ESRRB: variants seen among roughly 807,000 people sequenced by gnomAD.
ESRRB encodes steroid hormone receptor ERR2.
Under a neutral mutation model 46.0 loss-of-function variants are expected in ESRRB, and 16 were observed. That is an observed-to-expected ratio of 0.35 (90% CI 0.24 to 0.53). The LOEUF (loss-of-function observed/expected upper bound fraction) is 0.53, where lower values mean the gene tolerates loss of function less well. ESRRB is among the 20% of genes least tolerant of loss of function. The pLI is 0.93. For synonymous variants in ESRRB, 246 were observed against 259.6 expected (o/e 0.95, Z 0.50); for missense variants, 488 against 607.4 (o/e 0.80, Z 2.07).
chr14:76,431,145 A>C (rs1394342394), intron 1 of ESRRB, among the ~76,000 whole-genome samples: 1 of 152,134 alleles, frequency 6.6e-6, no homozygotes, highest in African/African-American at 2.4e-5. Context: ...AAATACAAAA[A>C]TTAGCCAGGC....
chr14:76,466,036 T>C (rs1409985241), intron 3 of ESRRB, among the ~76,000 whole-genome samples: 1 of 152,186 alleles, frequency 6.6e-6, no homozygotes, highest in East Asian at 1.9e-4. Flanking sequence ...CCCTCCTGGC[T>C]CTGCAGGCAA....
rs561414791 is a variant in ESRRB, at chr14:76,402,534, C to T, written c.50+26083C>T. The stretch of plus-strand genomic sequence containing the variant: ...GGAACTATCCATTGGGAAACACCAC[C>T]CTGGAGATGTAACATTAGAAAGACA... On this transcript the variant is annotated intron_variant, in intron 1 of 6. Coordinates refer to ENST00000644823, the MANE Select transcript of ESRRB (RefSeq NM_001379180.1). 2.0e-5 allele frequency among the ~76,000 whole-genome samples: 3 copies of T among 152,228 alleles called. No individual in the cohort carries two copies. In the South Asian group the frequency reaches 6.2e-4, roughly 32 times the overall value.
rs771657920 is a variant in ESRRB at position 76,439,575 on chromosome 14, G to A, written c.285G>A (p.Lys95=). 3 of 1,614,160 alleles carry A rather than the reference G, an allele frequency of 1.9e-6. No individual in the cohort carries two copies. The South Asian group carries it at 3.3e-5, about 18-fold the overall frequency. The change falls in exon 2 of 7, where the codon AAG becomes AAA. Residue 95 remains lysine (K), a synonymous_variant. Coordinates refer to ENST00000644823, the MANE Select transcript of ESRRB (RefSeq NM_001379180.1). ...GAGLGGTPCR[K]SYEDCASGIM... ...GGCTGGGAGGCACCCCATGCCGCAA[G>A]AGCTACGAGGACTGTGCCAGCGGCA...
chr14:76,361,816 G>A (rs1884468178), intron 1 of ESRRB, among the ~76,000 whole-genome samples: 1 of 152,200 alleles, frequency 6.6e-6, no homozygotes, highest in Non-Finnish European at 1.5e-5. Flanking sequence ...TTATGTGGTT[G>A]GGGAACTCCA....
chr14:76,415,135 C>T (rs1350162516), intron 1 of ESRRB, among the ~76,000 whole-genome samples: 1 of 152,126 alleles, frequency 6.6e-6, no homozygotes, highest in Non-Finnish European at 1.5e-5. Flanking sequence ...GGGTTGGGGA[C>T]TGGCAAGACG....
At chr14:76,350,659 C>A (rs1342458641) in intron 1 of ESRRB, among the ~76,000 whole-genome samples, 1 of 152,212 alleles carries the variant, frequency 6.6e-6, no homozygotes, top group Non-Finnish European at 1.5e-5. Flanking sequence ...GCCTGAAGCC[C>A]TCTGATGAGC....
intron 5 of ESRRB, among the ~76,000 whole-genome samples, chr14:76,490,666 C>A (rs745517282): frequency 3.3e-5 from 5 of 151,932 alleles, no homozygotes; most frequent in Non-Finnish European, 7.4e-5. Context: ...AGTTCTGGAG[C>A]CTTCTCCATG....
intron 3 of ESRRB, among the ~76,000 whole-genome samples, chr14:76,480,999 C>T (rs1889783435): frequency 6.6e-6 from 1 of 152,190 alleles, no homozygotes; most frequent in Non-Finnish European, 1.5e-5. Context: ...GGTAAGGACT[C>T]CAAGAAGGAA....
chr14:76,493,041 T>G lies in ESRRB; in HGVS notation c.1120+1325T>G, dbSNP rs185813659. 7.7e-4 allele frequency among the ~76,000 whole-genome samples: 118 copies of G among 152,354 alleles called. 2 individuals carry two copies. The highest frequency in any genetic ancestry group is 3.2e-4 in the Non-Finnish European group (22 of 68,034). ...GTTAACTGCCCAGGTCTGGGTCAGA[T>G]AGACCCAAGTTCAAATTCTATCTCT... On this transcript the variant is annotated intron_variant, in intron 6 of 6. Transcript: ENST00000644823.
chr14:76,400,769 A>G (rs1351658989), intron 1 of ESRRB, among the ~76,000 whole-genome samples: 1 of 152,282 alleles, frequency 6.6e-6, no homozygotes, highest in South Asian at 2.1e-4. Context: ...ACAACTGTTT[A>G]TATCCGCCAT....
At chr14:76,356,856 C>A (rs1476316683) in intron 1 of ESRRB, among the ~76,000 whole-genome samples, 3 of 152,214 alleles carry the variant, frequency 2.0e-5, no homozygotes, top group Admixed American at 1.3e-4. Flanking sequence ...TTCTCTTGTC[C>A]AACTTTATGC....
upstream of ESRRB, among the ~76,000 whole-genome samples, chr14:76,366,413 A>G (rs1320075078): frequency 1.3e-5 from 2 of 152,236 alleles, no homozygotes; most frequent in East Asian, 3.8e-4. Flanking sequence ...CCGGCCTTCA[A>G]CAATGGGAGA....
intron 2 of ESRRB, 116 bp downstream of exon 2, chr14:76,439,866 G>A: frequency 1.7e-6 from 2 of 1,170,108 alleles, no homozygotes; most frequent in Middle Eastern, 2.8e-4. Flanking sequence ...CGCTGTTGGA[G>A]CGGTACTTCT....
intron 1 of ESRRB, among the ~76,000 whole-genome samples, chr14:76,393,440 G>T (rs146839910): frequency 1.3e-5 from 2 of 152,300 alleles, no homozygotes; most frequent in African/African-American, 4.8e-5. Flanking sequence ...GTTACATATG[G>T]TCAGGCAATG....
At chr14:76,419,346 G>A (rs781514713) in intron 1 of ESRRB, among the ~76,000 whole-genome samples, 3 of 152,240 alleles carry the variant, frequency 2.0e-5, no homozygotes, top group East Asian at 1.9e-4. Flanking sequence ...ATCGAGCTTC[G>A]AACTCAGGAA....
intron 1 of ESRRB, among the ~76,000 whole-genome samples, chr14:76,413,192 C>T (rs1045287998): frequency 5.3e-5 from 8 of 152,138 alleles, no homozygotes; most frequent in South Asian, 2.1e-4. Flanking sequence ...AAAGCTGCAC[C>T]GCAGTGCTGT....
intron 1 of ESRRB, among the ~76,000 whole-genome samples, chr14:76,418,273 A>G (rs1886796296): frequency 6.6e-6 from 1 of 152,088 alleles, no homozygotes. Flanking sequence ...CTTTTGAAAA[A>G]GCTTTTTAAT....
intron 1 of ESRRB, among the ~76,000 whole-genome samples, chr14:76,346,210 C>T (rs4561383): frequency 0.81 from 123,155 of 152,190 alleles, 50,286 homozygotes; most frequent in East Asian, 1. Flanking sequence ...CAACCCAGTA[C>T]ATGGTCAGGG....
chr14:76,333,003 TATTA>T (rs1292299838), intron 1 of ESRRB, among the ~76,000 whole-genome samples: 1 of 26,336 alleles, frequency 3.8e-5, no homozygotes, highest in Non-Finnish European at 6.2e-5. Context: ...ACATTATATA[TATTA>T]TATATTTATA....
Sources: allele counts gnomAD v4.1 joint callset (sites outside exome capture counted in the v4.1 genomes callset), GRCh38; gene constraint gnomAD v4.1.1; transcripts MANE v1.5; gene names NCBI Gene and HGNC (gene_info 2026-07-23, HGNC 2026-07-21).